Variants in MALT1 observed in about 807,000 individuals in gnomAD.
MALT1 encodes the protein mucosa-associated lymphoid tissue lymphoma translocation protein 1.
MALT1 carries 36 observed loss-of-function variants against 85.5 expected under a neutral mutation model. That is an observed-to-expected ratio of 0.42 (90% CI 0.32 to 0.56). MALT1 has a LOEUF of 0.56. Among genes scored for constraint, MALT1 ranks in the 20% least tolerant of loss-of-function variants. The pLI is 0.10. For missense variants in MALT1, 716 were observed against 981.6 expected (o/e 0.73, Z 3.62); for synonymous variants, 359 against 361.3 (o/e 0.99, Z 0.07).
intron 4 of MALT1, among the ~76,000 whole-genome samples, chr18:58,704,448 T>C (rs1174527420): frequency 2.0e-5 from 3 of 152,176 alleles, no homozygotes; most frequent in Non-Finnish European, 4.4e-5. Flanking sequence ...AATATAGCCA[T>C]GGAAGCTTTC....
chr18:58,684,258 C>T (rs942899277), intron 2 of MALT1, among the ~76,000 whole-genome samples: 1 of 151,606 alleles, frequency 6.6e-6, no homozygotes, highest in Non-Finnish European at 1.5e-5. Flanking sequence ...TGCACTGTTT[C>T]TGTGAAGTTT....
intron 4 of MALT1, among the ~76,000 whole-genome samples, chr18:58,708,596 A>T (rs988328891): frequency 2.2e-4 from 34 of 152,190 alleles, no homozygotes; most frequent in African/African-American, 8.2e-4. Flanking sequence ...GACTGGGATG[A>T]CCCAGAGCAG....
chr18:58,690,537 G>C (rs963308471), intron 2 of MALT1: 21 of 168,318 alleles, frequency 1.2e-4, no homozygotes, highest in Admixed American at 3.7e-4. Context: ...CCCTCTGTGA[G>C]AGAGATGTAC....
chr18:58,733,536 T>C lies in MALT1; in HGVS notation c.1362T>C (p.Thr454=). The change falls in exon 11 of 17, where the codon ACT becomes ACC. Residue 454 remains threonine, a synonymous_variant. Transcript: ENST00000649217. ...NILKLMQEKE[T]GLNVFLLDMC... Reference sequence around the variant, plus strand: ...TGAAATTGATGCAAGAAAAAGAAACTGGACTTAATGTGTTCTTATTGGATA... The same window carrying C: ...TGAAATTGATGCAAGAAAAAGAAACCGGACTTAATGTGTTCTTATTGGATA... The C allele has an allele frequency of 6.2e-7, 1 of 1,610,620 alleles. No homozygotes were observed. The highest frequency in any genetic ancestry group is 8.5e-7 in the Non-Finnish European group (1 of 1,177,970).
At chr18:58,676,596 A>T (rs141093173) in intron 1 of MALT1, among the ~76,000 whole-genome samples, 4 of 152,344 alleles carry the variant, frequency 2.6e-5, no homozygotes, top group African/African-American at 9.6e-5. Flanking sequence ...CTCTTCTCTG[A>T]TCATAATATT....
intron 4 of MALT1, among the ~76,000 whole-genome samples, chr18:58,702,829 G>A (rs2054693084): frequency 6.6e-6 from 1 of 152,116 alleles, no homozygotes; most frequent in Non-Finnish European, 1.5e-5. Context: ...CATCTTTTTA[G>A]TGCAATAACT....
intron 3 of MALT1, 140 bp downstream of exon 3, chr18:58,696,627 C>T (rs2054594156): frequency 5.2e-6 from 3 of 578,298 alleles, no homozygotes; most frequent in Non-Finnish European, 8.3e-6. Flanking sequence ...CTGAAGTAGT[C>T]AATAGTCATT....
Position 58,753,812 on chromosome 18 carries a change from C to T in MALT1, c.*5970C>T, listed in dbSNP as rs758573448. 2.6e-5 allele frequency: 4 copies of T among 152,132 alleles called. No homozygotes were observed. The highest frequency in any genetic ancestry group is 1.9e-4 in the East Asian group (1 of 5,208). 9.4% of individuals were successfully genotyped at this position (152,132 alleles called of 1,614,324 possible). A position where few individuals can be genotyped will look rare whatever the true frequency, so the allele number is the denominator to read the frequency against. On this transcript the variant is annotated 3_prime_UTR_variant, in exon 17 of 17. Transcript: ENST00000649217. ...ATTTAAGAACACATTTTTAACTTTTCGTAAGGAGTCTTCAGTTTAAAAGTA... is the reference window on the plus strand; with the variant it reads ...ATTTAAGAACACATTTTTAACTTTTTGTAAGGAGTCTTCAGTTTAAAAGTA...
rs552555480 is a variant in MALT1 at position 58,735,262 on chromosome 18, G to A, written c.1536G>A (p.Met512Ile). 1 of 1,611,100 alleles carries A rather than the reference G, an allele frequency of 6.2e-7. No individual in the cohort carries two copies. The highest frequency in any genetic ancestry group is 1.7e-5 in the Admixed American group (1 of 59,640). Residue 512 changes from methionine to isoleucine, a missense_variant, in exon 13 of 17, where the codon ATG becomes ATA. Met to Ile is a conservative substitution (Grantham distance 10). Transcript: ENST00000649217. ...CTGGATTGGCAAATGGAATCTTTAT[G>A]AAATTTTTAAAAGACAGATTATTAG... ...QHSGLANGIF[M>I]KFLKDRLLED...
intron 2 of MALT1, chr18:58,691,342 T>C (rs567290097): frequency 1.2e-6 from 1 of 851,804 alleles, no homozygotes; most frequent in South Asian, 1.3e-5. Flanking sequence ...AAGATGATCC[T>C]GTTTGCTTTT....
chr18:58,717,567 T>A (rs2054920507), intron 9 of MALT1, among the ~76,000 whole-genome samples: 1 of 151,778 alleles, frequency 6.6e-6, no homozygotes, highest in Admixed American at 6.6e-5. Flanking sequence ...GCTTTTTCTG[T>A]AGCAGATCTC....
rs1271519350 is a variant in MALT1, at chr18:58,735,250, T to C, written c.1524T>C (p.Asn508=). The C allele has an allele frequency of 1.9e-6, 3 of 1,611,202 alleles. No homozygotes were observed. The highest frequency in any genetic ancestry group is 1.1e-5 in the South Asian group (1 of 90,138). ...AFEIQHSGLA[N]GIFMKFLKDR... ...AAATCCAGCATTCTGGATTGGCAAA[T>C]GGAATCTTTATGAAATTTTTAAAAG... Residue 508 remains asparagine (N), a synonymous_variant, in exon 13 of 17, where the codon AAT becomes AAC. Coordinates refer to ENST00000649217, the MANE Select transcript of MALT1 (RefSeq NM_006785.4).
At chr18:58,720,996 T>C (rs901149570) in intron 9 of MALT1, among the ~76,000 whole-genome samples, 1 of 152,232 alleles carries the variant, frequency 6.6e-6, no homozygotes, top group African/African-American at 2.4e-5. Flanking sequence ...ATAGCATTGA[T>C]GGACTCAAAA....
chr18:58,696,539 GAATT>G, intron 3 of MALT1, 52 bp downstream of exon 3: 1 of 1,388,354 alleles, frequency 7.2e-7, no homozygotes, highest in Non-Finnish European at 9.8e-7. Flanking sequence ...GAATGATAGA[GAATT>G]AATTAACATT....
chr18:58,747,952 T>A lies in MALT1; in HGVS notation c.*110T>A. The A allele has an allele frequency of 1.3e-6, 1 of 758,410 alleles. No homozygotes were observed. Among genetic ancestry groups the A allele is most frequent in the Admixed American group, 2.5e-5 (1 of 39,468 alleles). The allele number at this position is 758,410 out of a possible 1,614,324, so 47.0% of individuals were successfully genotyped here. A position where few individuals can be genotyped will look rare whatever the true frequency, so the allele number is the denominator to read the frequency against. On this transcript the variant is annotated 3_prime_UTR_variant, in exon 17 of 17. Transcript: ENST00000649217. Reference sequence around the variant, plus strand: ...CAAATTTGTATATGTAGAGAAAGAATAGTAGTAACTGTTTCATAGCAAACT... The same window carrying A: ...CAAATTTGTATATGTAGAGAAAGAAAAGTAGTAACTGTTTCATAGCAAACT...
chr18:58,706,445 G>A (rs560691866), intron 4 of MALT1, among the ~76,000 whole-genome samples: 18 of 152,214 alleles, frequency 1.2e-4, no homozygotes, highest in African/African-American at 3.6e-4. Context: ...GTGAGCCACC[G>A]CGCCCAGCCC....
Position 58,753,789 on chromosome 18 carries a change from T to G in MALT1, c.*5947T>G, listed in dbSNP as rs2055478144. On this transcript the variant is annotated 3_prime_UTR_variant, in exon 17 of 17. Coordinates refer to ENST00000649217, the MANE Select transcript of MALT1 (RefSeq NM_006785.4). Reference sequence around the variant, plus strand: ...GTAAATATGCTCAGCTTCAATACATTTAAGAACACATTTTTAACTTTTCGT... The same window carrying G: ...GTAAATATGCTCAGCTTCAATACATGTAAGAACACATTTTTAACTTTTCGT... 6.8e-6 allele frequency: 1 copy of G among 147,634 alleles called. No homozygotes were observed. Among genetic ancestry groups the G allele is most frequent in the Non-Finnish European group, 1.5e-5 (1 of 67,800 alleles). 9.1% of individuals were successfully genotyped at this position (147,634 alleles called of 1,614,324 possible).
rs374998448 is a variant in MALT1 at position 58,744,443 on chromosome 18, A to G, written c.1859A>G (p.Tyr620Cys). Residue 620 changes from tyrosine (Y) to cysteine (C), a missense_variant, in exon 15 of 17, where the codon TAC becomes TGC. Around this residue, in one of 4 missense-constraint regions of MALT1, gnomAD observed 260 missense variants for 323.7 expected, o/e 0.80. Transcript: ENST00000649217. ...ATGATCATCTATACAAGTATAGTTT[A>G]CAAACCACCGGAGATAATAATGTGT... The part of the protein sequence containing the change: ...NVMIIYTSIV[Y>C]KPPEIIMCDA... 18 of 1,608,384 alleles carry G rather than the reference A, an allele frequency of 1.1e-5. No homozygotes were observed. Among genetic ancestry groups the G allele is most frequent in the Non-Finnish European group, 1.5e-5 (18 of 1,176,606 alleles).
chr18:58,672,855 C>T (rs2054185567), intron 1 of MALT1: 1 of 152,152 alleles, frequency 6.6e-6, no homozygotes, highest in Admixed American at 6.5e-5. Flanking sequence ...CTGCAGTGTC[C>T]ACTCCTGAAA....
Sources: allele counts gnomAD v4.1 joint callset (sites outside exome capture counted in the v4.1 genomes callset), GRCh38; gene constraint gnomAD v4.1.1; regional missense constraint gnomAD v4.1.1; transcripts MANE v1.5; gene names NCBI Gene and HGNC (gene_info 2026-07-23, HGNC 2026-07-21).